FSTL4: variants seen among roughly 807,000 people sequenced by gnomAD.
The protein encoded by FSTL4 is follistatin-related protein 4.
FSTL4 carries 28 observed loss-of-function variants against 78.2 expected under a neutral mutation model. The observed-to-expected ratio is 0.36, with a 90% CI of 0.27 to 0.49. FSTL4 has a LOEUF of 0.49. Among genes scored for constraint, FSTL4 ranks in the 20% least tolerant of loss-of-function variants. FSTL4 has a pLI of 0.98. For synonymous variants in FSTL4, 422 were observed against 440.5 expected (o/e 0.96, Z 0.53); for missense variants, 922 against 1,084.9 (o/e 0.85, Z 2.11).
intron 3 of FSTL4, among the ~76,000 whole-genome samples, chr5:133,473,936 C>T (rs971764022): frequency 6.6e-6 from 1 of 152,134 alleles, no homozygotes; most frequent in Non-Finnish European, 1.5e-5. Context: ...ATCTAATCAC[C>T]TCCCATGAGG....
At chr5:133,217,916 A>G (rs1750967835) in intron 12 of FSTL4, among the ~76,000 whole-genome samples, 1 of 152,120 alleles carries the variant, frequency 6.6e-6, no homozygotes, top group African/African-American at 2.4e-5. Context: ...TCTATATGCT[A>G]GGGTGTCCAG....
intron 3 of FSTL4, among the ~76,000 whole-genome samples, chr5:133,410,235 A>G (rs771280304): frequency 1.3e-5 from 2 of 151,988 alleles, no homozygotes; most frequent in African/African-American, 2.4e-5. Context: ...ATATATTCCT[A>G]CCCCCGAGTT....
At chr5:133,501,716 C>T (rs539679330) in intron 3 of FSTL4, among the ~76,000 whole-genome samples, 2 of 152,238 alleles carry the variant, frequency 1.3e-5, no homozygotes, top group Non-Finnish European at 2.9e-5. Context: ...TGATTATGTT[C>T]TATTTTGTTA....
chr5:133,595,149 G>A (rs1580811019), intron 2 of FSTL4, among the ~76,000 whole-genome samples: 1 of 152,336 alleles, frequency 6.6e-6, no homozygotes, highest in African/African-American at 2.4e-5. Context: ...AACAGTCAGA[G>A]CCAAGCAGGC....
At chr5:133,455,951 C>T (rs1182272721) in intron 3 of FSTL4, among the ~76,000 whole-genome samples, 5 of 152,230 alleles carry the variant, frequency 3.3e-5, no homozygotes, top group Non-Finnish European at 7.3e-5. Context: ...AGGGAGGCTC[C>T]TGGAGGTCTG....
chr5:133,683,555 A>G, the FSTL4 span, among the ~76,000 whole-genome samples: 1 of 152,212 alleles, frequency 6.6e-6, no homozygotes, highest in African/African-American at 2.4e-5. Context: ...GCACGTTCAC[A>G]GGCCATGCAT....
At chr5:133,344,911 C>T (rs1339828654) in intron 4 of FSTL4, among the ~76,000 whole-genome samples, 2 of 151,234 alleles carry the variant, frequency 1.3e-5, no homozygotes, top group Admixed American at 6.6e-5. Context: ...AGCTCTTCTT[C>T]TTTCTAGGTT....
the FSTL4 span, among the ~76,000 whole-genome samples, chr5:133,785,363 G>T: frequency 1.1e-4 from 17 of 152,264 alleles, no homozygotes; most frequent in Admixed American, 3.9e-4. Flanking sequence ...AGGAAAGCCC[G>T]GGAACGTTTG....
intron 2 of FSTL4, among the ~76,000 whole-genome samples, chr5:133,599,569 C>T (rs7727007): frequency 0.21 from 32,686 of 152,120 alleles, 3,826 homozygotes; most frequent in East Asian, 0.29. Context: ...TTAACATGTA[C>T]AGGTATGTAG....
the FSTL4 span, among the ~76,000 whole-genome samples, chr5:133,791,278 GCACACACACACACA>G: frequency 6.7e-6 from 1 of 148,716 alleles, no homozygotes; most frequent in Admixed American, 6.7e-5. Context: ...ACATGTGCGT[GCACACACACACACA>G]CACACACACA....
chr5:133,416,339 A>C (rs1351003643), intron 3 of FSTL4, among the ~76,000 whole-genome samples: 1 of 152,238 alleles, frequency 6.6e-6, no homozygotes, highest in East Asian at 1.9e-4. Flanking sequence ...GGGACAAGAG[A>C]AACTCTTCTT....
chr5:133,590,565 C>T (rs1760602153), intron 2 of FSTL4, among the ~76,000 whole-genome samples: 1 of 152,120 alleles, frequency 6.6e-6, no homozygotes, highest in African/African-American at 2.4e-5. Flanking sequence ...TGTAACCCCT[C>T]TTTCTTTCCA....
rs114611633 is a variant in FSTL4 at position 133,560,227 on chromosome 5, G to A, written c.160+6959C>T. On this transcript the variant is annotated intron_variant, in intron 3 of 15. Coordinates refer to ENST00000265342, the MANE Select transcript of FSTL4 (RefSeq NM_015082.2). ...GGATAGCATCACTGGCAGATCCATC[G>A]TGAGCCCTGAGCTATCCACCACAAG... Among the ~76,000 whole-genome samples, 494 of 152,336 alleles carry A rather than the reference G, an allele frequency of 3.2e-3. 7 individuals are homozygous for A. The highest frequency in any genetic ancestry group is 0.014 in the Middle Eastern group (4 of 294).
At chr5:133,331,255 C>T (rs181514161) in intron 4 of FSTL4, among the ~76,000 whole-genome samples, 121 of 152,286 alleles carry the variant, frequency 7.9e-4, no homozygotes, top group African/African-American at 2.6e-3. Context: ...GAGACTGGGG[C>T]AGTAGCAGTT....
At chr5:133,562,841 T>C (rs1759945428) in intron 3 of FSTL4, among the ~76,000 whole-genome samples, 1 of 152,222 alleles carries the variant, frequency 6.6e-6, no homozygotes, top group Admixed American at 6.5e-5. Context: ...TGTTCGCTCA[T>C]GGCTGTAATT....
At chr5:133,780,081 GCACA>G in the FSTL4 span, among the ~76,000 whole-genome samples, 1 of 152,154 alleles carries the variant, frequency 6.6e-6, no homozygotes, top group African/African-American at 2.4e-5. Context: ...GCTCGCAGGT[GCACA>G]CCCATCAGTC....
intron 3 of FSTL4, among the ~76,000 whole-genome samples, chr5:133,487,852 C>T (rs1758168375): frequency 6.6e-6 from 1 of 152,208 alleles, no homozygotes; most frequent in African/African-American, 2.4e-5. Flanking sequence ...ACTTAAAATC[C>T]TGCAGACACC....
At chr5:133,333,648 C>T (rs1238415354) in intron 4 of FSTL4, among the ~76,000 whole-genome samples, 1 of 152,172 alleles carries the variant, frequency 6.6e-6, no homozygotes, top group Admixed American at 6.5e-5. Flanking sequence ...ATGGGATTTC[C>T]AGGTCTTTTA....
the FSTL4 span, among the ~76,000 whole-genome samples, chr5:133,663,801 G>T: frequency 6.6e-6 from 1 of 152,242 alleles, no homozygotes; most frequent in Non-Finnish European, 1.5e-5. Context: ...AATGTAAGCT[G>T]CGGGGTCCTC....
Sources: allele counts gnomAD v4.1 joint callset (sites outside exome capture counted in the v4.1 genomes callset), GRCh38; gene constraint gnomAD v4.1.1; transcripts MANE v1.5; gene names NCBI Gene and HGNC (gene_info 2026-07-23, HGNC 2026-07-21).